Variants in CDYL2 observed in about 807,000 individuals in gnomAD.
CDYL2 encodes the protein chromodomain Y like 2.
A neutral mutation model predicts 49.4 loss-of-function variants in CDYL2; 23 were observed. The ratio of observed to expected loss-of-function variants is 0.47; its 90% CI spans 0.34 to 0.66. The LOEUF (loss-of-function observed/expected upper bound fraction) is 0.66. CDYL2 is among the 30% of genes least tolerant of loss of function. The pLI, the probability that CDYL2 is intolerant of heterozygous loss-of-function variation, is 0.01. For synonymous variants in CDYL2, 360 were observed against 268.8 expected (o/e 1.34, Z -3.32); for missense variants, 678 against 656.4 (o/e 1.03, Z -0.36).
In CDYL2 at chr16:80,612,698, G is replaced by C. The variant is rs12922920; in HGVS notation, c.1146C>G (p.Pro382=). The part of the protein sequence containing the change: ...WASEKAWFQT[P]YATIRLTPAG... ...CAGGCGTGAGGCGGATGGTGGCGTA[G>C]GGCGTCTGGAACCAGGCCTTCTCAC... Residue 382 remains proline, a synonymous_variant, in exon 5 of 7, where the codon CCC becomes CCG. Transcript: ENST00000570137. The surrounding 1 kb of genome is among the most constrained non-coding windows in gnomAD (Gnocchi z 5.0). The C allele has an allele frequency of 1.9e-6, 3 of 1,613,296 alleles. No homozygotes were observed. Among genetic ancestry groups the C allele is most frequent in the African/African-American group, 2.7e-5 (2 of 74,890 alleles).
intron 3 of CDYL2, among the ~76,000 whole-genome samples, chr16:80,625,266 C>T (rs1392064598): frequency 6.6e-6 from 1 of 152,194 alleles, no homozygotes; most frequent in Non-Finnish European, 1.5e-5. Context: ...ATAGAGGCCA[C>T]CCACATTCCT....
chr16:80,793,958 C>A (rs1907687652), intron 1 of CDYL2, among the ~76,000 whole-genome samples: 1 of 152,128 alleles, frequency 6.6e-6, no homozygotes, highest in African/African-American at 2.4e-5. Context: ...AAAACACAAT[C>A]TTTGATTTGC....
intron 1 of CDYL2, among the ~76,000 whole-genome samples, chr16:80,729,177 C>T (rs1345821196): frequency 1.3e-5 from 2 of 152,176 alleles, no homozygotes; most frequent in African/African-American, 2.4e-5. Context: ...AGAGTTAAGA[C>T]CCTTCAGTGT....
In CDYL2 at chr16:80,790,674, C is replaced by G. The variant is rs563434928; in HGVS notation, c.24+13476G>C. On this transcript the variant is annotated intron_variant, in intron 1 of 6. Coordinates refer to ENST00000570137, the MANE Select transcript of CDYL2 (RefSeq NM_152342.4). ...CTTTGGATTCTATTACTTGATCTGA[C>G]TTCCAACAGTTCACAGACGAGTTTG... Among the ~76,000 whole-genome samples the G allele has an allele frequency of 2.0e-5, 3 of 152,316 alleles. No individual in the cohort carries two copies. In the East Asian group the frequency reaches 5.8e-4, roughly 29 times the overall value.
At chr16:80,632,861 T>TA in intron 3 of CDYL2, 158 bp downstream of exon 3, 1 of 642,434 alleles carries the variant, frequency 1.6e-6, no homozygotes, top group South Asian at 1.9e-5. Flanking sequence ...ATAATGTATG[T>TA]AAAATGATGA....
chr16:80,745,294 T>C (rs1905888425), intron 1 of CDYL2, among the ~76,000 whole-genome samples: 1 of 152,140 alleles, frequency 6.6e-6, no homozygotes, highest in East Asian at 1.9e-4. Flanking sequence ...CTGTGTCACC[T>C]GAGCAACTGG....
chr16:80,620,998 G>A, intron 3 of CDYL2, 63 bp from the exon 4 acceptor site: 2 of 1,458,786 alleles, frequency 1.4e-6, no homozygotes, highest in African/African-American at 1.4e-5. Flanking sequence ...GGGGCTTTCA[G>A]ACTGCAAGAC....
intron 1 of CDYL2, among the ~76,000 whole-genome samples, chr16:80,689,752 C>A (rs1212506880): frequency 2.0e-5 from 3 of 152,198 alleles, no homozygotes; most frequent in Non-Finnish European, 2.9e-5. Context: ...TCGCAGACCG[C>A]CATCATGGCT....
Position 80,712,404 on chromosome 16 carries a change from G to A in CDYL2, c.25-27275C>T, listed in dbSNP as rs146028544. On this transcript the variant is annotated intron_variant, in intron 1 of 6. Transcript: ENST00000570137. ...CTTACAAGTCTCTCCTGGTCTATTC[G>A]TCAATGTCACAACATTGCTGGTCCC... Among the ~76,000 whole-genome samples the A allele has an allele frequency of 6.6e-5, 10 of 151,758 alleles. No individual in the cohort carries two copies. The East Asian group carries it at 1.9e-3, about 29-fold the overall frequency.
At chr16:80,739,597 G>A (rs1905661944) in intron 1 of CDYL2, among the ~76,000 whole-genome samples, 1 of 152,172 alleles carries the variant, frequency 6.6e-6, no homozygotes, top group Admixed American at 6.5e-5. Flanking sequence ...ATAGCACCCA[G>A]CACACCAGAG....
In CDYL2 at chr16:80,612,526, G is replaced by T; in HGVS notation, c.1218+100C>A. The T allele has an allele frequency of 8.1e-7, 1 of 1,232,728 alleles. No individual in the cohort carries two copies. Among genetic ancestry groups the T allele is most frequent in the Non-Finnish European group, 1.1e-6 (1 of 882,596 alleles). 76.4% of individuals were successfully genotyped at this position (1,232,728 alleles called of 1,614,324 possible). A position where few individuals can be genotyped will look rare whatever the true frequency, so the allele number is the denominator to read the frequency against. On this transcript the variant is annotated intron_variant, in intron 5 of 6. Coordinates refer to ENST00000570137, the MANE Select transcript of CDYL2 (RefSeq NM_152342.4). The surrounding 1 kb of genome is among the most constrained non-coding windows in gnomAD (Gnocchi z 5.0). ...AGGCAGCCAAGCCAATCTGCAGGCTGACAACACCCTCAGGTTTCTAGCCCC... is the reference window on the plus strand; with the variant it reads ...AGGCAGCCAAGCCAATCTGCAGGCTTACAACACCCTCAGGTTTCTAGCCCC...
At chr16:80,752,067 T>C (rs1159049542) in intron 1 of CDYL2, among the ~76,000 whole-genome samples, 1 of 151,854 alleles carries the variant, frequency 6.6e-6, no homozygotes, top group Admixed American at 6.5e-5. Context: ...ACCTTTAAAA[T>C]AACTGTGAAA....
intron 3 of CDYL2, among the ~76,000 whole-genome samples, chr16:80,632,208 A>C (rs905746248): frequency 2.6e-5 from 4 of 152,388 alleles, no homozygotes; most frequent in Non-Finnish European, 5.9e-5. Context: ...AATATAGTCT[A>C]TTCATACAAT....
chr16:80,642,778 A>G (rs1908159531), intron 2 of CDYL2, among the ~76,000 whole-genome samples: 2 of 152,186 alleles, frequency 1.3e-5, no homozygotes, highest in Admixed American at 1.3e-4. Flanking sequence ...CTATGAGAAC[A>G]GTATAGGGAA....
At chr16:80,686,257 T>C (rs1264557761) in intron 1 of CDYL2, among the ~76,000 whole-genome samples, 2 of 152,222 alleles carry the variant, frequency 1.3e-5, no homozygotes, top group Non-Finnish European at 2.9e-5. Flanking sequence ...TGCTAATAAC[T>C]GTTGTATTTA....
Position 80,632,796 on chromosome 16 carries a change from G to A in CDYL2, c.834+223C>T, listed in dbSNP as rs112074263. The A allele has an allele frequency of 9.7e-6, 5 of 516,658 alleles. 1 individual carries two copies. Among genetic ancestry groups the A allele is most frequent in the African/African-American group, 9.6e-5 (5 of 52,026 alleles). The allele number at this position is 516,658 out of a possible 1,614,324, so 32.0% of individuals were successfully genotyped here. ...AGTTCAGTGAGTCCCTCTCCCCATGGTCTTCATCCATAAGATGAGAGGGTA... is the reference window on the plus strand; with the variant it reads ...AGTTCAGTGAGTCCCTCTCCCCATGATCTTCATCCATAAGATGAGAGGGTA... On this transcript the variant is annotated intron_variant, in intron 3 of 6. Coordinates refer to ENST00000570137, the MANE Select transcript of CDYL2 (RefSeq NM_152342.4).
At chr16:80,676,876 C>T (rs965655690) in intron 2 of CDYL2, among the ~76,000 whole-genome samples, 1 of 151,268 alleles carries the variant, frequency 6.6e-6, no homozygotes, top group African/African-American at 2.4e-5. Context: ...TATTCTAGAA[C>T]GTTTAGATTT....
intron 1 of CDYL2, among the ~76,000 whole-genome samples, chr16:80,694,462 G>A (rs1277798270): frequency 2.0e-5 from 3 of 148,578 alleles, no homozygotes; most frequent in African/African-American, 5.0e-5. Context: ...TAATTGATAG[G>A]AAATGAAAGC....
intron 1 of CDYL2, among the ~76,000 whole-genome samples, chr16:80,722,111 T>A (rs772251489): frequency 6.6e-6 from 1 of 152,134 alleles, no homozygotes; most frequent in Non-Finnish European, 1.5e-5. Context: ...AGTCATATAA[T>A]AGAGGTGTTT....
Sources: allele counts gnomAD v4.1 joint callset (sites outside exome capture counted in the v4.1 genomes callset), GRCh38; gene constraint gnomAD v4.1.1; non-coding constraint Gnocchi (gnomAD v3.1); transcripts MANE v1.5; gene names NCBI Gene and HGNC (gene_info 2026-07-23, HGNC 2026-07-21).